The following MCTP1 variants were observed in gnomAD, a reference collection of about 807,000 sequenced individuals.
MCTP1 encodes the protein multiple C2 and transmembrane domain containing 1.
Under a neutral mutation model 120.6 loss-of-function variants are expected in MCTP1, and 69 were observed. The ratio of observed to expected loss-of-function variants is 0.57; its 90% CI spans 0.47 to 0.70. MCTP1 has a LOEUF of 0.70. Ranked by LOEUF, MCTP1 falls within the 30% of genes least tolerant of loss-of-function variation. The probability of loss-of-function intolerance (pLI) is 0.00; values close to 1 mark genes in which losing one functional copy is unlikely to be tolerated. For synonymous variants in MCTP1, 529 were observed against 493.1 expected (o/e 1.07, Z -0.96); for missense variants, 1,203 against 1,248.8 (o/e 0.96, Z 0.55).
At chr5:95,132,861 G>A (rs544778736) in intron 1 of MCTP1, among the ~76,000 whole-genome samples, 3 of 152,280 alleles carry the variant, frequency 2.0e-5, no homozygotes, top group African/African-American at 7.2e-5. Flanking sequence ...TATGTAAAAT[G>A]AGGGCAGGGA....
At position 95,181,264 on chromosome 5, in the gene MCTP1, C is replaced by T. The variant is rs529532326; in HGVS notation, c.720+102592G>A. Among the ~76,000 whole-genome samples, 234 of 152,324 alleles carry T rather than the reference C, an allele frequency of 1.5e-3. 2 individuals are homozygous for T. Among genetic ancestry groups the T allele is most frequent in the Non-Finnish European group, 2.5e-3 (167 of 68,038 alleles). ...CCTACAAGGGCTCCTGTGATCTGTCCTCTTTGTGCTTCTCCAAGCTCATCT... is the reference window on the plus strand; with the variant it reads ...CCTACAAGGGCTCCTGTGATCTGTCTTCTTTGTGCTTCTCCAAGCTCATCT... On this transcript the variant is annotated intron_variant, in intron 1 of 22. Coordinates refer to ENST00000515393, the MANE Select transcript of MCTP1 (RefSeq NM_024717.7).
At chr5:95,163,810 TG>T (rs1746016371) in intron 1 of MCTP1, among the ~76,000 whole-genome samples, 1 of 152,210 alleles carries the variant, frequency 6.6e-6, no homozygotes, top group African/African-American at 2.4e-5. Flanking sequence ...GTAACTTTTC[TG>T]AGCCTCAGTT....
chr5:95,262,486 G>T (rs1055009107), intron 1 of MCTP1, among the ~76,000 whole-genome samples: 1 of 152,016 alleles, frequency 6.6e-6, no homozygotes, highest in Non-Finnish European at 1.5e-5. Context: ...TAATATAAAA[G>T]GACCAATAAT....
At chr5:95,265,346 G>T (rs1758800193) in intron 1 of MCTP1, among the ~76,000 whole-genome samples, 1 of 152,186 alleles carries the variant, frequency 6.6e-6, no homozygotes, top group African/African-American at 2.4e-5. Context: ...GGAGCTATAA[G>T]TTAGGCCTGT....
intron 1 of MCTP1, among the ~76,000 whole-genome samples, chr5:95,079,894 A>G (rs767901775): frequency 2.0e-5 from 3 of 152,116 alleles, no homozygotes; most frequent in Non-Finnish European, 2.9e-5. Context: ...TATCATGTTC[A>G]CTGGTATAGT....
At chr5:95,040,892 G>A (rs1842230719) in intron 1 of MCTP1, among the ~76,000 whole-genome samples, 1 of 152,090 alleles carries the variant, frequency 6.6e-6, no homozygotes, top group Admixed American at 6.5e-5. Context: ...GGTAGCTGTG[G>A]GAGTTGGCAG....
chr5:95,259,715 T>C (rs972996494), intron 1 of MCTP1, among the ~76,000 whole-genome samples: 7 of 152,134 alleles, frequency 4.6e-5, no homozygotes, highest in Admixed American at 4.6e-4. Flanking sequence ...CCATTCACCA[T>C]CCAGGATAAT....
chr5:95,102,661 G>A (rs1037564296), intron 1 of MCTP1, among the ~76,000 whole-genome samples: 1 of 152,168 alleles, frequency 6.6e-6, no homozygotes, highest in Non-Finnish European at 1.5e-5. Flanking sequence ...AGACAATTAG[G>A]TGGTATTTAT....
At position 95,284,359 on chromosome 5, in the gene MCTP1, C is replaced by T. The variant is rs774471548; in HGVS notation, c.217G>A (p.Gly73Ser). 3 of 1,596,578 alleles carry T rather than the reference C, an allele frequency of 1.9e-6. No homozygotes were observed. The highest frequency in any genetic ancestry group is 2.5e-6 in the Non-Finnish European group (3 of 1,179,198). Reference sequence around the variant, plus strand: ...AAGCCGCTCCACCTGCTGCCTGCACCACTCCCCCTGGCCGGTGCATTCCCT... The same window carrying T: ...AAGCCGCTCCACCTGCTGCCTGCACTACTCCCCCTGGCCGGTGCATTCCCT... ...GTGNAPARGS[G>S]AGSRWSGFKK... Residue 73 changes from glycine (G) to serine (S), a missense_variant, in exon 1 of 23, where the codon GGT becomes AGT. Physicochemically the swap from Gly to Ser is moderately conservative, Grantham distance 56. Transcript: ENST00000515393. The surrounding 1 kb of genome is among the most constrained non-coding windows in gnomAD (Gnocchi z 5.2).
rs377155852 is a variant in MCTP1, at chr5:94,947,555, A to AATATATAT, written c.982-5136_982-5129dup. On this transcript the variant is annotated intron_variant, in intron 3 of 22. Transcript: ENST00000515393. The stretch of plus-strand genomic sequence containing the variant: ...AAAATATTTTAGTGTTAGTTTACTA[A>AATATATAT]ATATATATATATATATATATATAGA... Among the ~76,000 whole-genome samples, 387 of 39,224 alleles carry AATATATAT rather than the reference A, an allele frequency of 9.9e-3. 24 individuals carry two copies. Among genetic ancestry groups the AATATATAT allele is most frequent in the African/African-American group, 0.019 (168 of 9,006 alleles). The allele number at this position is 39,224 out of a possible 152,430, so 25.7% of individuals were successfully genotyped here. A position where few individuals can be genotyped will look rare whatever the true frequency, so the allele number is the denominator to read the frequency against.
intron 1 of MCTP1, among the ~76,000 whole-genome samples, chr5:95,140,349 T>C (rs567174572): frequency 6.6e-6 from 1 of 152,118 alleles, no homozygotes; most frequent in South Asian, 2.1e-4. Context: ...CGGGAAAAAA[T>C]GCACACAATT....
intron 19 of MCTP1, among the ~76,000 whole-genome samples, chr5:94,754,779 T>G (rs1480501061): frequency 1.3e-5 from 2 of 152,154 alleles, no homozygotes; most frequent in Non-Finnish European, 2.9e-5. Context: ...AGGCCTGCCA[T>G]TTACACCTTT....
At chr5:94,998,260 T>G (rs1188952140) in intron 2 of MCTP1, among the ~76,000 whole-genome samples, 1 of 152,192 alleles carries the variant, frequency 6.6e-6, no homozygotes, top group Non-Finnish European at 1.5e-5. Context: ...GCTAAACTAT[T>G]TATTGTTTTA....
intron 17 of MCTP1, chr5:94,867,163 T>A: frequency 7.7e-7 from 1 of 1,298,132 alleles, no homozygotes; most frequent in Non-Finnish European, 1.0e-6. Flanking sequence ...CCACCATATA[T>A]TTATTATAAG....
chr5:94,741,460 G>C (rs1765517465), intron 19 of MCTP1, among the ~76,000 whole-genome samples: 1 of 152,142 alleles, frequency 6.6e-6, no homozygotes, highest in Non-Finnish European at 1.5e-5. Context: ...AAAATGACTT[G>C]ACTTCTCTTT....
At chr5:94,803,736 C>T (rs556248026) in intron 17 of MCTP1, among the ~76,000 whole-genome samples, 136 of 152,208 alleles carry the variant, frequency 8.9e-4, no homozygotes, top group Non-Finnish European at 1.6e-3. Context: ...GCTAAAGAAG[C>T]CATGCCAACT....
Position 94,727,587 on chromosome 5 carries a change from T to C in MCTP1, c.2611-12701A>G, listed in dbSNP as rs150431999. 2.0e-4 allele frequency among the ~76,000 whole-genome samples: 30 copies of C among 152,332 alleles called. No homozygotes were observed. The Middle Eastern group carries it at 0.017, about 86-fold the overall frequency. On this transcript the variant is annotated intron_variant, in intron 19 of 22. Coordinates refer to ENST00000515393, the MANE Select transcript of MCTP1 (RefSeq NM_024717.7). The stretch of plus-strand genomic sequence containing the variant: ...TTTATTGCTATTTAATTTCCATGAT[T>C]TGTTTGTTTGCTGTAAGTCTTCAGT...
At chr5:94,856,859 G>C (rs1222596761) in intron 17 of MCTP1, among the ~76,000 whole-genome samples, 2 of 151,596 alleles carry the variant, frequency 1.3e-5, no homozygotes. Flanking sequence ...AACACTCTGG[G>C]GCTGCCTGCT....
At chr5:94,855,459 T>C (rs1364232906) in intron 17 of MCTP1, among the ~76,000 whole-genome samples, 1 of 151,832 alleles carries the variant, frequency 6.6e-6, no homozygotes, top group Non-Finnish European at 1.5e-5. Context: ...TCAAAGGGCA[T>C]TTGACCCCCC....
Sources: allele counts gnomAD v4.1 joint callset (sites outside exome capture counted in the v4.1 genomes callset), GRCh38; gene constraint gnomAD v4.1.1; non-coding constraint Gnocchi (gnomAD v3.1); transcripts MANE v1.5; gene names NCBI Gene and HGNC (gene_info 2026-07-23, HGNC 2026-07-21).